Variants in SOX5 observed in about 807,000 individuals in gnomAD.
SOX5 encodes SRY-box transcription factor 5.
In SOX5, 9 loss-of-function variants were observed where a neutral mutation model predicts 92.0. That is an observed-to-expected ratio of 0.10 (90% CI 0.06 to 0.17). The LOEUF (loss-of-function observed/expected upper bound fraction) is 0.17. Among genes scored for constraint, SOX5 ranks in the 10% least tolerant of loss-of-function variants. The pLI is 1.00. For synonymous variants in SOX5, 344 were observed against 336.3 expected, an observed-to-expected ratio of 1.02 and a Z score of -0.25; for missense variants, 642 against 944.5, an observed-to-expected ratio of 0.68 and a Z score of 4.20.
At chr12:24,152,646 C>A (rs1031595661) in intron 4 of SOX5, among the ~76,000 whole-genome samples, 4 of 151,750 alleles carry the variant, frequency 2.6e-5, no homozygotes, top group African/African-American at 9.7e-5. Flanking sequence ...TGAACACATT[C>A]GATTTATTGT....
At chr12:24,188,129 A>G (rs1594076626) in intron 4 of SOX5, among the ~76,000 whole-genome samples, 1 of 152,294 alleles carries the variant, frequency 6.6e-6, no homozygotes, top group East Asian at 1.9e-4. Context: ...GGGAGTGAAC[A>G]AAGTCTGAAT....
At chr12:24,040,236 T>C (rs1173834217) in intron 4 of SOX5, among the ~76,000 whole-genome samples, 1 of 152,192 alleles carries the variant, frequency 6.6e-6, no homozygotes, top group East Asian at 1.9e-4. Flanking sequence ...GAATTCAGTA[T>C]TGAAAATATC....
intron 3 of SOX5, among the ~76,000 whole-genome samples, chr12:23,819,888 C>G (rs1040586880): frequency 6.6e-6 from 1 of 152,270 alleles, no homozygotes; most frequent in Admixed American, 6.5e-5. Flanking sequence ...CTGCAATAAA[C>G]ATATGTGTGC....
intron 4 of SOX5, among the ~76,000 whole-genome samples, chr12:24,150,144 T>C (rs1951510222): frequency 1.3e-5 from 2 of 152,200 alleles, no homozygotes; most frequent in South Asian, 4.1e-4. Context: ...TTATCAGTTA[T>C]ATCTCAATAC....
chr12:23,845,227 GCATGTTCTTGTGTGCAGTATGGCACC>G (rs1179595737), intron 3 of SOX5, among the ~76,000 whole-genome samples: 1 of 152,172 alleles, frequency 6.6e-6, no homozygotes, highest in African/African-American at 2.4e-5. Context: ...GAAACAGGAG[GCATGTTCTTGTGTGCAGTATGGCACC>G]CATGCTTAGG....
At chr12:24,128,378 G>A (rs1949315873) in intron 4 of SOX5, among the ~76,000 whole-genome samples, 2 of 152,192 alleles carry the variant, frequency 1.3e-5, no homozygotes, top group Admixed American at 1.3e-4. Context: ...CAGACAACTA[G>A]TGGGGGAGAG....
intron 7 of SOX5, among the ~76,000 whole-genome samples, chr12:23,652,195 G>A (rs2139064347): frequency 6.6e-6 from 1 of 152,038 alleles, no homozygotes; most frequent in South Asian, 2.1e-4. Context: ...ACATATATCT[G>A]CAACAGCTGC....
At chr12:24,297,532 A>C (rs1426487243) in intron 2 of SOX5, among the ~76,000 whole-genome samples, 1 of 152,236 alleles carries the variant, frequency 6.6e-6, no homozygotes, top group Non-Finnish European at 1.5e-5. Flanking sequence ...TCTTCCTTAA[A>C]TATTGCTAAA....
chr12:24,068,680 A>ATGTG (rs367765179), intron 4 of SOX5, among the ~76,000 whole-genome samples: 697 of 62,726 alleles, frequency 0.011, 8 homozygotes, highest in East Asian at 0.018. Flanking sequence ...TCAAAGTCGT[A>ATGTG]TGTGTGTGTG....
intron 4 of SOX5, among the ~76,000 whole-genome samples, chr12:24,192,583 T>C (rs1323125668): frequency 1.3e-5 from 2 of 152,222 alleles, no homozygotes; most frequent in Non-Finnish European, 2.9e-5. Flanking sequence ...AGCCATCAAA[T>C]TATGACATAC....
intron 6 of SOX5, among the ~76,000 whole-genome samples, chr12:23,696,944 G>T (rs2140140279): frequency 6.6e-6 from 1 of 151,894 alleles, no homozygotes; most frequent in East Asian, 1.9e-4. Context: ...ATTCCATTTT[G>T]ATCACAAAAC....
intron 8 of SOX5, among the ~76,000 whole-genome samples, chr12:23,640,267 G>A (rs542253823): frequency 3.6e-4 from 55 of 152,170 alleles, no homozygotes; most frequent in Non-Finnish European, 6.2e-4. Context: ...TATATATTTC[G>A]CACGGCTAGA....
At chr12:24,151,892 G>C (rs963301646) in intron 4 of SOX5, among the ~76,000 whole-genome samples, 1 of 151,870 alleles carries the variant, frequency 6.6e-6, no homozygotes, top group Admixed American at 6.6e-5. Context: ...AATAAAATAA[G>C]CTTACTATTT....
At chr12:23,925,981 A>G (rs34759211) in intron 1 of SOX5, among the ~76,000 whole-genome samples, 59,998 of 151,926 alleles carry the variant, frequency 0.39, 12,380 homozygotes, top group Non-Finnish European at 0.45. Flanking sequence ...TATAGCAACT[A>G]AGTATCAGCC....
intron 1 of SOX5, among the ~76,000 whole-genome samples, chr12:23,934,315 CT>C (rs1569104901): frequency 6.6e-6 from 1 of 150,902 alleles, no homozygotes; most frequent in Admixed American, 6.7e-5. Flanking sequence ...TAGAAATTCT[CT>C]TCCCCCATTT....
intron 1 of SOX5, among the ~76,000 whole-genome samples, chr12:23,917,755 C>A (rs1168305905): frequency 6.6e-6 from 1 of 152,056 alleles, no homozygotes; most frequent in Non-Finnish European, 1.5e-5. Flanking sequence ...GTTCCTCTTA[C>A]TGCTGATATT....
intron 1 of SOX5, among the ~76,000 whole-genome samples, chr12:24,457,879 G>A (rs1054433320): frequency 6.6e-6 from 1 of 151,992 alleles, no homozygotes; most frequent in East Asian, 1.9e-4. Flanking sequence ...TATAGATAAG[G>A]GAAGATGAGA....
At chr12:24,210,030 A>G (rs1958434890) in intron 4 of SOX5, among the ~76,000 whole-genome samples, 2 of 147,682 alleles carry the variant, frequency 1.4e-5, no homozygotes, top group Admixed American at 6.6e-5. Context: ...AAAAAAAAAA[A>G]AAAAAAAAAA....
intron 9 of SOX5, among the ~76,000 whole-genome samples, chr12:23,585,059 C>A (rs1189327244): frequency 6.6e-6 from 1 of 151,998 alleles, no homozygotes; most frequent in African/African-American, 2.4e-5. Flanking sequence ...ATAACTAACT[C>A]GATAAATTCT....
Sources: allele counts gnomAD v4.1 joint callset (sites outside exome capture counted in the v4.1 genomes callset), GRCh38; gene constraint gnomAD v4.1.1; transcripts MANE v1.5; gene names NCBI Gene and HGNC (gene_info 2026-07-23, HGNC 2026-07-21).